Variants in SCFD2 observed in about 807,000 individuals in gnomAD.
The protein encoded by SCFD2 is sec1 family domain-containing protein 2.
SCFD2 carries 54 observed loss-of-function variants against 58.9 expected under a neutral mutation model. That is an observed-to-expected ratio of 0.92 (90% CI 0.74 to 1.15). The LOEUF (loss-of-function observed/expected upper bound fraction) is 1.15, where lower values mean the gene tolerates loss of function less well. SCFD2 is among the 50% of genes most tolerant of loss of function. The pLI, the probability that SCFD2 is intolerant of heterozygous loss-of-function variation, is 0.00. For synonymous variants in SCFD2, 321 were observed against 335.9 expected, an observed-to-expected ratio of 0.96 and a Z score of 0.49; for missense variants, 805 against 836.6, an observed-to-expected ratio of 0.96 and a Z score of 0.47.
chr4:53,302,198 A>G (rs1471615424), intron 3 of SCFD2, among the ~76,000 whole-genome samples: 1 of 152,200 alleles, frequency 6.6e-6, no homozygotes, highest in Non-Finnish European at 1.5e-5. Flanking sequence ...TATATCTAGA[A>G]AACCCATCAT....
At chr4:53,254,476 TTC>T (rs1387656296) in intron 4 of SCFD2, among the ~76,000 whole-genome samples, 1 of 151,858 alleles carries the variant, frequency 6.6e-6, no homozygotes, top group Non-Finnish European at 1.5e-5. Flanking sequence ...TAAACCTTTT[TTC>T]TTTTTTTCTT....
intron 5 of SCFD2, among the ~76,000 whole-genome samples, chr4:53,034,275 C>A (rs941540121): frequency 6.6e-6 from 1 of 152,124 alleles, no homozygotes; most frequent in African/African-American, 2.4e-5. Context: ...ATTCAACACC[C>A]CTTCATGCCA....
intron 5 of SCFD2, among the ~76,000 whole-genome samples, chr4:53,127,983 A>G (rs1383666247): frequency 8.4e-6 from 1 of 118,512 alleles, no homozygotes; most frequent in African/African-American, 3.2e-5. Context: ...CATTTTTGCT[A>G]TTCTGTTATT....
At chr4:53,036,088 C>G (rs1252815806) in intron 5 of SCFD2, among the ~76,000 whole-genome samples, 1 of 151,392 alleles carries the variant, frequency 6.6e-6, no homozygotes, top group South Asian at 2.1e-4. Context: ...ACTTTAAGTT[C>G]TAGGGTACAT....
chr4:53,329,088 G>A (rs1030448856), intron 2 of SCFD2, among the ~76,000 whole-genome samples: 1 of 152,192 alleles, frequency 6.6e-6, no homozygotes, highest in African/African-American at 2.4e-5. Context: ...TGGCTCAGAG[G>A]GTCCTACGCC....
chr4:52,886,034 A>C (rs1718732465), intron 7 of SCFD2, among the ~76,000 whole-genome samples, 168 bp from the exon 8 acceptor site: 1 of 152,162 alleles, frequency 6.6e-6, no homozygotes, highest in South Asian at 2.1e-4. Flanking sequence ...GTGAAACCTG[A>C]TGACAGTTTA....
Position 53,204,598 on chromosome 4 carries a change from G to A in SCFD2, c.1312-59016C>T, listed in dbSNP as rs181489909. 5.3e-3 allele frequency among the ~76,000 whole-genome samples: 792 copies of A among 150,438 alleles called. 4 individuals carry two copies. Among genetic ancestry groups the A allele is most frequent in the Middle Eastern group, 0.017 (5 of 294 alleles). On this transcript the variant is annotated intron_variant, in intron 4 of 8. Transcript: ENST00000401642. ...AACTTTTTGAATCTTCTCAAAAATA[G>A]AACAGGGATTTCAGAAAGGGAAAAC... is the stretch of plus-strand genomic sequence containing the variant.
chr4:53,137,920 C>T (rs1478361106), intron 5 of SCFD2, among the ~76,000 whole-genome samples: 3 of 152,190 alleles, frequency 2.0e-5, no homozygotes, highest in Non-Finnish European at 4.4e-5. Context: ...CAAGCTGCTG[C>T]TTCACCTCAG....
At position 53,052,376 on chromosome 4, in the gene SCFD2, C is replaced by G. The variant is rs13152478; in HGVS notation, c.1561+92957G>C. ...AATCTTTCCCAGTCCTCTAAATTAG[C>G]GCAGAATCTTGATTGCTCGTTACGA... On this transcript the variant is annotated intron_variant, in intron 5 of 8. Coordinates refer to ENST00000401642, the MANE Select transcript of SCFD2 (RefSeq NM_152540.4). Among the ~76,000 whole-genome samples the G allele has an allele frequency of 3.3e-5, 5 of 152,166 alleles. 1 individual carries two copies. The highest frequency in any genetic ancestry group is 3.9e-4 in the East Asian group (2 of 5,162).
At chr4:52,970,037 T>G (rs1239495702) in intron 5 of SCFD2, among the ~76,000 whole-genome samples, 1 of 152,158 alleles carries the variant, frequency 6.6e-6, no homozygotes, top group South Asian at 2.1e-4. Context: ...AATTGGGGCG[T>G]GGAGCCAAGA....
At chr4:53,301,389 G>C (rs1199521205) in intron 3 of SCFD2, among the ~76,000 whole-genome samples, 2 of 151,992 alleles carry the variant, frequency 1.3e-5, no homozygotes, top group Non-Finnish European at 2.9e-5. Context: ...ACTCTCCCAA[G>C]ACTAAACCAG....
intron 4 of SCFD2, among the ~76,000 whole-genome samples, chr4:53,247,951 T>C (rs1730164498): frequency 6.6e-6 from 1 of 151,228 alleles, no homozygotes; most frequent in African/African-American, 2.4e-5. Flanking sequence ...AGCTCCGGTC[T>C]ACAGCTGCCA....
intron 5 of SCFD2, among the ~76,000 whole-genome samples, chr4:53,045,442 T>C (rs757314844): frequency 1.3e-5 from 2 of 152,204 alleles, no homozygotes; most frequent in Non-Finnish European, 2.9e-5. Context: ...ATATGTAATT[T>C]AGCTTTAAAA....
At chr4:53,178,439 C>G (rs1401422903) in intron 4 of SCFD2, among the ~76,000 whole-genome samples, 1 of 152,194 alleles carries the variant, frequency 6.6e-6, no homozygotes, top group African/African-American at 2.4e-5. Context: ...GCTGAGGGTC[C>G]TGTCTGCTAG....
intron 2 of SCFD2, among the ~76,000 whole-genome samples, chr4:53,347,235 AT>A (rs1375181938): frequency 6.6e-6 from 1 of 152,172 alleles, no homozygotes; most frequent in African/African-American, 2.4e-5. Context: ...GAGTCTAGAG[AT>A]CCCCATGCCC....
intron 5 of SCFD2, among the ~76,000 whole-genome samples, chr4:52,970,482 C>T (rs982653759): frequency 6.6e-6 from 1 of 152,202 alleles, no homozygotes; most frequent in African/African-American, 2.4e-5. Flanking sequence ...GGGCACCCAC[C>T]ATTGCTGAGG....
chr4:53,108,584 A>G (rs1257622480), intron 5 of SCFD2, among the ~76,000 whole-genome samples: 1 of 152,182 alleles, frequency 6.6e-6, no homozygotes, highest in Non-Finnish European at 1.5e-5. Flanking sequence ...GAATACTATA[A>G]ACACCTCTAC....
chr4:53,056,445 C>A (rs1387192579), intron 5 of SCFD2, among the ~76,000 whole-genome samples: 2 of 152,048 alleles, frequency 1.3e-5, no homozygotes, highest in Non-Finnish European at 2.9e-5. Flanking sequence ...AAATAAAGGA[C>A]CACTCCTGGA....
intron 3 of SCFD2, among the ~76,000 whole-genome samples, chr4:53,300,511 C>T (rs1471093138): frequency 1.3e-5 from 2 of 152,134 alleles, no homozygotes; most frequent in East Asian, 1.9e-4. Context: ...GAGACTTTAA[C>T]ACCCCACTGT....
Sources: allele counts gnomAD v4.1 joint callset (sites outside exome capture counted in the v4.1 genomes callset), GRCh38; gene constraint gnomAD v4.1.1; transcripts MANE v1.5; gene names NCBI Gene and HGNC (gene_info 2026-07-23, HGNC 2026-07-21).